Variants in SMC6 observed in about 807,000 individuals in gnomAD.
The protein encoded by SMC6 is structural maintenance of chromosomes 6.
In SMC6, 79 loss-of-function variants were observed where a neutral mutation model predicts 142.2. The ratio of observed to expected loss-of-function variants is 0.56; its 90% confidence interval spans 0.46 to 0.67. The LOEUF is 0.67. SMC6 is among the 30% of genes least tolerant of loss of function. SMC6 has a pLI of 0.00. For missense variants in SMC6, 1,072 were observed against 1,284.0 expected (o/e 0.83, Z 2.52); for synonymous variants, 411 against 412.4 (o/e 1.00, Z 0.04).
intron 21 of SMC6, among the ~76,000 whole-genome samples, chr2:17,698,831 T>A (rs1816191): frequency 0.013 from 1,910 of 152,256 alleles, 19 homozygotes; most frequent in East Asian, 0.031. Flanking sequence ...TACGTTTTAG[T>A]GCATCTCCTT....
chr2:17,674,065 C>A (rs749319870), intron 25 of SMC6, among the ~76,000 whole-genome samples: 1 of 152,080 alleles, frequency 6.6e-6, no homozygotes, highest in Non-Finnish European at 1.5e-5. Flanking sequence ...TCTCCAATTT[C>A]TGCTCTTATA....
chr2:17,729,170 T>A (rs550299936), intron 7 of SMC6, among the ~76,000 whole-genome samples: 30 of 152,332 alleles, frequency 2.0e-4, no homozygotes, highest in African/African-American at 7.2e-4. Context: ...ATGTAATCAA[T>A]ATAAAAAACT....
chr2:17,708,011 C>T (rs1217818566), intron 17 of SMC6, among the ~76,000 whole-genome samples: 1 of 151,566 alleles, frequency 6.6e-6, no homozygotes, highest in African/African-American at 2.4e-5. Context: ...CACACACACA[C>T]ACACACACAC....
At position 17,738,253 on chromosome 2, in the gene SMC6, G is replaced by A. The variant is rs752419400; in HGVS notation, c.312C>T (p.Ser104=). 35 of 1,613,144 alleles carry A rather than the reference G, an allele frequency of 2.2e-5. No individual in the cohort carries two copies. Among genetic ancestry groups the A allele is most frequent in the Non-Finnish European group, 2.7e-5 (32 of 1,179,746 alleles). The change falls in exon 5 of 28, where the codon TCC becomes TCT. Residue 104 remains serine, a synonymous_variant. Coordinates refer to ENST00000448223, the MANE Select transcript of SMC6 (RefSeq NM_001142286.2). ...CATCTTTCACAAAACCTTTTAAAGA[G>A]GATCCTCTATTAGTAGCAACTGCTC... ...GGRAVATNRG[S]SLKGFVKDGQ...
chr2:17,714,825 C>A, intron 16 of SMC6, 36 bp downstream of exon 16: 1 of 1,594,704 alleles, frequency 6.3e-7, no homozygotes, highest in Non-Finnish European at 8.6e-7. Flanking sequence ...TATGATTAAG[C>A]AAAGCCAGAA....
chr2:17,731,345 G>T (rs1410275271), intron 6 of SMC6, among the ~76,000 whole-genome samples: 1 of 152,218 alleles, frequency 6.6e-6, no homozygotes, highest in East Asian at 1.9e-4. Context: ...TGCTTATCTT[G>T]TTCCCACAGC....
intron 3 of SMC6, 111 bp from the exon 4 acceptor site, chr2:17,741,840 C>T (rs1490710469): frequency 4.8e-6 from 3 of 627,786 alleles, no homozygotes; most frequent in Admixed American, 2.8e-5. Context: ...AAAAAATTTA[C>T]AGAAAGTGAA....
At chr2:17,724,969 C>A (rs1370212530) in intron 9 of SMC6, among the ~76,000 whole-genome samples, 2 of 152,094 alleles carry the variant, frequency 1.3e-5, no homozygotes, top group African/African-American at 4.8e-5. Flanking sequence ...TTGTGGAACC[C>A]ATTAGTCATA....
At chr2:17,691,955 A>G (rs1414909215) in intron 23 of SMC6, among the ~76,000 whole-genome samples, 1 of 152,220 alleles carries the variant, frequency 6.6e-6, no homozygotes, top group African/African-American at 2.4e-5. Flanking sequence ...CCCATTCACA[A>G]TTGCTTCAAA....
At chr2:17,716,349 AG>A in intron 14 of SMC6, 85 bp from the exon 15 acceptor site, 1 of 1,279,142 alleles carries the variant, frequency 7.8e-7, no homozygotes, top group Non-Finnish European at 1.1e-6. Context: ...CCTACATCCC[AG>A]TGAACGACCC....
rs1486323156 is a variant in SMC6 at position 17,741,647 on chromosome 2, C to T, written c.203G>A (p.Gly68Asp). 2 of 1,610,908 alleles carry T rather than the reference C, an allele frequency of 1.2e-6. No individual in the cohort carries two copies. Among genetic ancestry groups the T allele is most frequent in the East Asian group, 4.5e-5 (2 of 44,722 alleles). ...CHSMLGPFKF[G>D]SNVNFVVGNN... ...GCCAACAACAAAGTTGACATTAGAA[C>T]CAAACTTAAAAGGTCCAAGCATTGA... The change falls in exon 4 of 28, where the codon GGT becomes GAT. Residue 68 changes from glycine to aspartate, a missense_variant. Coordinates refer to ENST00000448223, the MANE Select transcript of SMC6 (RefSeq NM_001142286.2).
chr2:17,706,941 T>G (rs1424467485), intron 18 of SMC6, among the ~76,000 whole-genome samples: 1 of 152,158 alleles, frequency 6.6e-6, no homozygotes, highest in East Asian at 1.9e-4. Flanking sequence ...TGAGTCAAGC[T>G]CCTATCTCCT....
chr2:17,748,181 G>A (rs549287511), intron 2 of SMC6, among the ~76,000 whole-genome samples: 83 of 152,158 alleles, frequency 5.5e-4, no homozygotes, highest in Non-Finnish European at 1.0e-3. Flanking sequence ...CCAAGGACTG[G>A]CAAGCAAGAT....
intron 3 of SMC6, 88 bp from the exon 4 acceptor site, chr2:17,741,817 A>G: frequency 1.3e-6 from 1 of 766,504 alleles, no homozygotes; most frequent in Admixed American, 2.7e-5. Flanking sequence ...AAAGACTAGC[A>G]CCATCACCAA....
chr2:17,665,442 ATT>A lies in SMC6; in HGVS notation c.*55_*56del. 1 of 1,222,886 alleles carries A rather than the reference ATT, an allele frequency of 8.2e-7. No homozygotes were observed. Among genetic ancestry groups the A allele is most frequent in the Non-Finnish European group, 1.1e-6 (1 of 870,510 alleles). The allele number at this position is 1,222,886 out of a possible 1,614,324, so 75.8% of individuals were successfully genotyped here. On this transcript the variant is annotated 3_prime_UTR_variant, in exon 28 of 28. Transcript: ENST00000448223. ...ATTTTATTATATCAAAGAGTCCAGAATTTTTTTTCCCTTCACAAATCCTTCAA... is the reference window on the plus strand; with the variant it reads ...ATTTTATTATATCAAAGAGTCCAGAATTTTTTCCCTTCACAAATCCTTCAA...
chr2:17,670,694 C>A (rs1453156659), intron 25 of SMC6, 119 bp from the exon 26 acceptor site: 3 of 1,045,864 alleles, frequency 2.9e-6, no homozygotes, highest in Non-Finnish European at 2.6e-6. Context: ...AATAAAATGA[C>A]TTAGTGATTT....
Position 17,717,193 on chromosome 2 carries a change from G to T in SMC6, c.1093-17C>A. On this transcript the variant is annotated splice_polypyrimidine_tract_variant and intron_variant, in intron 12 of 27. Coordinates refer to ENST00000448223, the MANE Select transcript of SMC6 (RefSeq NM_001142286.2). Reference sequence around the variant, plus strand: ...ATATAAAACCTAACCAAAAAAATTAGACACACTTTACAAAAATGAAAACAC... The same window carrying T: ...ATATAAAACCTAACCAAAAAAATTATACACACTTTACAAAAATGAAAACAC... 1 of 1,567,308 alleles carries T rather than the reference G, an allele frequency of 6.4e-7. No homozygotes were observed. The highest frequency in any genetic ancestry group is 8.7e-7 in the Non-Finnish European group (1 of 1,154,072).
At chr2:17,730,898 G>C (rs966684307) in intron 7 of SMC6, among the ~76,000 whole-genome samples, 180 bp downstream of exon 7, 12 of 152,140 alleles carry the variant, frequency 7.9e-5, no homozygotes, top group African/African-American at 2.9e-4. Context: ...ACAGGTGTGA[G>C]CCACCATACC....
intron 19 of SMC6, 23 bp downstream of exon 19, chr2:17,703,134 G>A (rs1483129077): frequency 9.4e-6 from 12 of 1,282,604 alleles, no homozygotes; most frequent in Non-Finnish European, 1.2e-5. Context: ...ACAAAAGAAG[G>A]TTTATTATTA....
Sources: gnomAD v4.1 joint callset for allele counts (sites outside exome capture counted in the v4.1 genomes callset) on GRCh38, gnomAD v4.1.1 for gene constraint, MANE v1.5 for transcripts, NCBI Gene and HGNC (gene_info 2026-07-23, HGNC 2026-07-21) for gene names.